FGF12: variants seen among roughly 807,000 people sequenced by gnomAD.
FGF12 encodes the protein fibroblast growth factor 12.
In FGF12, 14 loss-of-function variants were observed where a neutral mutation model predicts 23.6. That is an observed-to-expected ratio of 0.59 (90% CI 0.39 to 0.93). The LOEUF (loss-of-function observed/expected upper bound fraction) is 0.93, where lower values mean the gene tolerates loss of function less well. Among genes scored for constraint, FGF12 ranks in the 40% least tolerant of loss-of-function variants. FGF12 has a pLI of 0.00. For synonymous variants in FGF12, 62 were observed against 77.3 expected (o/e 0.80, Z 1.04); for missense variants, 175 against 217.8 (o/e 0.80, Z 1.24).
chr3:192,385,558 A>AC lies in FGF12; in HGVS notation c.14-25021dup, dbSNP rs71298512. 4.0e-3 allele frequency among the ~76,000 whole-genome samples: 606 copies of AC among 150,376 alleles called. 1 individual carries two copies. The highest frequency in any genetic ancestry group is 8.6e-3 in the African/African-American group (351 of 40,908). The stretch of plus-strand genomic sequence containing the variant: ...AAACAAAGCAGGACTGAGAGAATTC[A>AC]CCCCCCCCAGCTCATAGTTCAGACC... On this transcript the variant is annotated intron_variant, in intron 2 of 5. Coordinates refer to ENST00000445105, the MANE Select transcript of FGF12 (RefSeq NM_004113.6).
At chr3:192,610,952 T>G (rs1383245474) in intron 2 of FGF12, among the ~76,000 whole-genome samples, 1 of 152,018 alleles carries the variant, frequency 6.6e-6, no homozygotes, top group African/African-American at 2.4e-5. Context: ...CAGCCTCATT[T>G]ATACTCCCTA....
intron 2 of FGF12, among the ~76,000 whole-genome samples, chr3:192,369,913 G>C (rs187730825): frequency 6.6e-6 from 1 of 152,322 alleles, no homozygotes; most frequent in East Asian, 1.9e-4. Flanking sequence ...TGGGATGGCA[G>C]GTTCTGGGAC....
intron 4 of FGF12, among the ~76,000 whole-genome samples, chr3:192,236,349 A>T (rs1439081436): frequency 6.6e-6 from 1 of 152,200 alleles, no homozygotes; most frequent in South Asian, 2.1e-4. Flanking sequence ...TGTTAGATAC[A>T]GTATTCTCTA....
Position 192,343,819 on chromosome 3 carries a change from T to C in FGF12, c.125-8355A>G, listed in dbSNP as rs180982092. 4.3e-3 allele frequency among the ~76,000 whole-genome samples: 662 copies of C among 152,302 alleles called. 22 individuals carry two copies. The highest frequency in any genetic ancestry group is 0.04 in the Admixed American group (618 of 15,294). On this transcript the variant is annotated intron_variant, in intron 3 of 5. Coordinates refer to ENST00000445105, the MANE Select transcript of FGF12 (RefSeq NM_004113.6). ...GGGATTCATAGAATATAACATGTTT[T>C]TGTTGTTGTTTTGCATCCAGATTGC...
At position 192,305,679 on chromosome 3, in the gene FGF12, A is replaced by AAAAATATAT. The variant is rs1423738741; in HGVS notation, c.228+29681_228+29682insATATATTTT. Among the ~76,000 whole-genome samples the AAAAATATAT allele has an allele frequency of 3.0e-3, 396 of 131,890 alleles. 5 individuals carry two copies. The highest frequency in any genetic ancestry group is 0.01 in the African/African-American group (352 of 33,904). The allele number at this position is 131,890 out of a possible 152,430, so 86.5% of individuals were successfully genotyped here. A position where few individuals can be genotyped will look rare whatever the true frequency, so the allele number is the denominator to read the frequency against. Reference sequence around the variant, plus strand: ...AAGGTGGCTTAGGAAAAAAAAAAAAAATATATATATATATATAAATATATA... The same window carrying AAAAATATAT: ...AAGGTGGCTTAGGAAAAAAAAAAAAAAAAATATATATATATATATATATATAAATATATA... On this transcript the variant is annotated intron_variant, in intron 4 of 5. Coordinates refer to ENST00000445105, the MANE Select transcript of FGF12 (RefSeq NM_004113.6).
chr3:192,304,266 C>A (rs1188129935), intron 4 of FGF12, among the ~76,000 whole-genome samples: 1 of 152,144 alleles, frequency 6.6e-6, no homozygotes, highest in Non-Finnish European at 1.5e-5. Context: ...TTCATGCATG[C>A]TAGAGATTAT....
intron 4 of FGF12, among the ~76,000 whole-genome samples, chr3:192,183,780 A>G (rs1031014422): frequency 6.6e-6 from 1 of 152,208 alleles, no homozygotes; most frequent in Non-Finnish European, 1.5e-5. Context: ...AGGGGAAGGA[A>G]TTAACCCGAT....
chr3:192,610,552 G>C (rs148374484), intron 2 of FGF12, among the ~76,000 whole-genome samples: 1 of 151,856 alleles, frequency 6.6e-6, no homozygotes, highest in East Asian at 1.9e-4. Context: ...CTTTCTGCCT[G>C]GTCTCTTTGC....
chr3:192,652,841 C>A (rs779612547), intron 2 of FGF12, among the ~76,000 whole-genome samples: 5 of 152,196 alleles, frequency 3.3e-5, no homozygotes, highest in African/African-American at 4.8e-5. Context: ...CTGAAATCTA[C>A]AGGCTAACTT....
At chr3:192,726,762 A>AT (rs901096491) in intron 2 of FGF12, 597 of 191,772 alleles carry the variant, frequency 3.1e-3, no homozygotes, top group South Asian at 5.5e-3. Flanking sequence ...AAATTCAAAC[A>AT]TTTTTTTTTT....
At chr3:192,296,104 C>T (rs2108654631) in intron 4 of FGF12, among the ~76,000 whole-genome samples, 1 of 137,234 alleles carries the variant, frequency 7.3e-6, no homozygotes, top group African/African-American at 2.7e-5. Context: ...CAGGGTTTCA[C>T]CATGTTGCCC....
At chr3:192,462,721 A>G (rs1722899273) in intron 2 of FGF12, among the ~76,000 whole-genome samples, 1 of 152,196 alleles carries the variant, frequency 6.6e-6, no homozygotes, top group Non-Finnish European at 1.5e-5. Flanking sequence ...GACATTAGGT[A>G]CAAATGCCCC....
At chr3:192,592,274 A>G (rs931971512) in intron 2 of FGF12, among the ~76,000 whole-genome samples, 1 of 151,792 alleles carries the variant, frequency 6.6e-6, no homozygotes, top group Non-Finnish European at 1.5e-5. Flanking sequence ...GGGAGAAGAG[A>G]TTATGTCTTC....
chr3:192,705,651 A>T (rs776691142), intron 2 of FGF12, among the ~76,000 whole-genome samples: 23 of 152,358 alleles, frequency 1.5e-4, no homozygotes, highest in Admixed American at 5.2e-4. Flanking sequence ...TAATAATAGA[A>T]TAACTTAAAA....
intron 2 of FGF12, among the ~76,000 whole-genome samples, chr3:192,638,162 A>G (rs1715653647): frequency 6.6e-6 from 1 of 152,150 alleles, no homozygotes; most frequent in Admixed American, 6.6e-5. Context: ...TAGCAGAGTA[A>G]CTTAGGGCCT....
At chr3:192,550,958 T>C (rs1711512854) in intron 2 of FGF12, among the ~76,000 whole-genome samples, 1 of 152,090 alleles carries the variant, frequency 6.6e-6, no homozygotes, top group Non-Finnish European at 1.5e-5. Context: ...GTTTAGAGAG[T>C]CACTTAGGTC....
At chr3:192,666,248 T>C (rs910207551) in intron 2 of FGF12, among the ~76,000 whole-genome samples, 1 of 152,232 alleles carries the variant, frequency 6.6e-6, no homozygotes, top group Non-Finnish European at 1.5e-5. Context: ...CAGTTTTATA[T>C]AGCTTTGCTT....
chr3:192,572,684 C>A (rs1712695242), intron 2 of FGF12, among the ~76,000 whole-genome samples: 1 of 152,088 alleles, frequency 6.6e-6, no homozygotes, highest in African/African-American at 2.4e-5. Context: ...AAAAGTTTAC[C>A]CCTTAGACTA....
chr3:192,594,624 A>G (rs1175134608), intron 2 of FGF12, among the ~76,000 whole-genome samples: 1 of 151,802 alleles, frequency 6.6e-6, no homozygotes, highest in African/African-American at 2.4e-5. Context: ...AGGATCAGAT[A>G]AGGTCTGATC....
Sources: allele counts gnomAD v4.1 joint callset (sites outside exome capture counted in the v4.1 genomes callset), GRCh38; gene constraint gnomAD v4.1.1; transcripts MANE v1.5; gene names NCBI Gene and HGNC (gene_info 2026-07-23, HGNC 2026-07-21).